SLC24A2: variants seen among roughly 807,000 people sequenced by gnomAD.
The protein encoded by SLC24A2 is sodium/potassium/calcium exchanger 2.
SLC24A2 carries 36 observed loss-of-function variants against 62.0 expected under a neutral mutation model. The ratio of observed to expected loss-of-function variants is 0.58; its 90% CI spans 0.44 to 0.77. The LOEUF (loss-of-function observed/expected upper bound fraction) is 0.77. Among genes scored for constraint, SLC24A2 ranks in the 30% least tolerant of loss-of-function variants. SLC24A2 has a pLI of 0.00. For missense variants in SLC24A2, 846 were observed against 817.9 expected (o/e 1.03, Z -0.42); for synonymous variants, 358 against 294.0 (o/e 1.22, Z -2.23).
At chr9:19,698,371 C>A (rs181415404) in intron 2 of SLC24A2, among the ~76,000 whole-genome samples, 1 of 152,218 alleles carries the variant, frequency 6.6e-6, no homozygotes, top group East Asian at 1.9e-4. Context: ...ATCCCCAAGA[C>A]CTATCATTAT....
At chr9:20,207,144 G>C in the SLC24A2 span, among the ~76,000 whole-genome samples, 1 of 152,236 alleles carries the variant, frequency 6.6e-6, no homozygotes, top group South Asian at 2.1e-4. Context: ...TTCAACTTTA[G>C]TACCTGAAAT....
At chr9:19,980,170 A>G in the SLC24A2 span, among the ~76,000 whole-genome samples, 1 of 152,172 alleles carries the variant, frequency 6.6e-6, no homozygotes, top group Non-Finnish European at 1.5e-5. Context: ...AAAGGAGAGA[A>G]TCAAGTGATA....
chr9:19,718,594 A>T (rs1033436652), intron 2 of SLC24A2, among the ~76,000 whole-genome samples: 1 of 151,734 alleles, frequency 6.6e-6, no homozygotes, highest in Non-Finnish European at 1.5e-5. Flanking sequence ...TACAGGCATG[A>T]GCCACTGCGC....
the SLC24A2 span, among the ~76,000 whole-genome samples, chr9:20,258,696 T>C: frequency 8.5e-5 from 13 of 152,170 alleles, no homozygotes; most frequent in Non-Finnish European, 1.8e-4. Flanking sequence ...AGCTTGCAGA[T>C]GGTCTGTCAC....
At chr9:20,177,777 AT>A in the SLC24A2 span, among the ~76,000 whole-genome samples, 6 of 152,160 alleles carry the variant, frequency 3.9e-5, no homozygotes, top group Non-Finnish European at 7.4e-5. Context: ...ACTATACCAC[AT>A]ACAGTATACT....
chr9:19,567,885 G>A (rs1273897329), intron 7 of SLC24A2, among the ~76,000 whole-genome samples: 1 of 152,126 alleles, frequency 6.6e-6, no homozygotes, highest in African/African-American at 2.4e-5. Flanking sequence ...ATTCCTCTGT[G>A]AGAGTATTTT....
At chr9:19,554,599 T>C (rs144290876) in intron 7 of SLC24A2, among the ~76,000 whole-genome samples, 1 of 152,186 alleles carries the variant, frequency 6.6e-6, no homozygotes, top group African/African-American at 2.4e-5. Context: ...TTTTCAGCCT[T>C]CTCGGCAAGG....
At chr9:19,923,935 A>T in the SLC24A2 span, among the ~76,000 whole-genome samples, 7 of 152,118 alleles carry the variant, frequency 4.6e-5, no homozygotes, top group Non-Finnish European at 8.8e-5. Context: ...TTTAGTAGAG[A>T]CAGGGTTTCA....
chr9:20,099,336 C>G, the SLC24A2 span, among the ~76,000 whole-genome samples: 129 of 152,322 alleles, frequency 8.5e-4, no homozygotes, highest in Admixed American at 6.5e-4. Flanking sequence ...ACTCATTCAT[C>G]TGGAAAAGGG....
chr9:19,592,075 G>C (rs530073889), intron 5 of SLC24A2, among the ~76,000 whole-genome samples: 1 of 152,226 alleles, frequency 6.6e-6, no homozygotes, highest in South Asian at 2.1e-4. Flanking sequence ...CTGCAACTAA[G>C]AACATCAAAT....
intron 2 of SLC24A2, among the ~76,000 whole-genome samples, chr9:19,747,865 T>A (rs980501380): frequency 5.3e-5 from 8 of 152,148 alleles, no homozygotes; most frequent in African/African-American, 1.9e-4. Context: ...CACATATCAG[T>A]GAGGTGTTTT....
At chr9:19,588,501 G>C (rs760210180) in intron 5 of SLC24A2, among the ~76,000 whole-genome samples, 1 of 152,082 alleles carries the variant, frequency 6.6e-6, no homozygotes, top group Non-Finnish European at 1.5e-5. Context: ...ATTTAATTTA[G>C]AGAGGTCAAA....
At chr9:20,257,925 G>A in the SLC24A2 span, among the ~76,000 whole-genome samples, 3 of 152,134 alleles carry the variant, frequency 2.0e-5, no homozygotes, top group African/African-American at 7.2e-5. Context: ...GAGTCTGTGT[G>A]TAAACAGCTA....
At chr9:19,560,366 G>C (rs1375874370) in intron 7 of SLC24A2, among the ~76,000 whole-genome samples, 2 of 145,054 alleles carry the variant, frequency 1.4e-5, no homozygotes, top group East Asian at 4.1e-4. Flanking sequence ...CAGAGATGAG[G>C]CCTCTAATGA....
the SLC24A2 span, among the ~76,000 whole-genome samples, chr9:20,267,872 T>C: frequency 6.6e-6 from 1 of 152,140 alleles, no homozygotes; most frequent in Non-Finnish European, 1.5e-5. Context: ...TGAATGACTT[T>C]GAGCTTTCTC....
At chr9:19,858,192 A>G in the SLC24A2 span, among the ~76,000 whole-genome samples, 6 of 152,302 alleles carry the variant, frequency 3.9e-5, no homozygotes, top group South Asian at 8.3e-4. Context: ...GAGCCCAGAA[A>G]TAATGCCACA....
At chr9:20,247,546 G>A in the SLC24A2 span, among the ~76,000 whole-genome samples, 1 of 152,212 alleles carries the variant, frequency 6.6e-6, no homozygotes, top group Admixed American at 6.5e-5. Flanking sequence ...AGATTAAAGT[G>A]AGAAGTCAAT....
the SLC24A2 span, among the ~76,000 whole-genome samples, chr9:20,091,786 A>G: frequency 6.6e-6 from 1 of 152,330 alleles, no homozygotes; most frequent in East Asian, 1.9e-4. Context: ...GTGACATTAT[A>G]AAGCAACCAC....
chr9:19,753,400 T>C lies in SLC24A2; in HGVS notation c.930+32537A>G, dbSNP rs1822042734. 2.0e-5 allele frequency among the ~76,000 whole-genome samples: 3 copies of C among 152,320 alleles called. No individual in the cohort carries two copies. The South Asian group carries it at 6.2e-4, about 32-fold the overall frequency. On this transcript the variant is annotated intron_variant, in intron 2 of 10. Transcript: ENST00000341998. ...AGAGTTCTAAGTGCTGGTGAGCAGA[T>C]CTAAGAATGCAGAAAAATATTAATG...
Sources: gnomAD v4.1 joint callset for allele counts (sites outside exome capture counted in the v4.1 genomes callset) on GRCh38, gnomAD v4.1.1 for gene constraint, MANE v1.5 for transcripts, NCBI Gene and HGNC (gene_info 2026-07-23, HGNC 2026-07-21) for gene names.